Variants in BIRC6 observed in about 807,000 individuals in gnomAD.
BIRC6 encodes dual E2 ubiquitin-conjugating enzyme/E3 ubiquitin-protein ligase BIRC6.
BIRC6 carries 98 observed loss-of-function variants against 503.3 expected under a neutral mutation model. The ratio of observed to expected loss-of-function variants is 0.19; its 90% confidence interval spans 0.17 to 0.23. The LOEUF is 0.23. Among genes scored for constraint, BIRC6 ranks in the 10% least tolerant of loss-of-function variants. The probability of loss-of-function intolerance (pLI) is 1.00; values close to 1 mark genes in which losing one functional copy is unlikely to be tolerated. For synonymous variants in BIRC6, 2,240 were observed against 2,078.7 expected, an observed-to-expected ratio of 1.08 and a Z score of -2.11; for missense variants, 5,360 against 5,806.0, an observed-to-expected ratio of 0.92 and a Z score of 2.50.
chr2:32,550,959 A>G (rs2058381972), intron 65 of BIRC6, among the ~76,000 whole-genome samples: 3 of 152,108 alleles, frequency 2.0e-5, no homozygotes, highest in Admixed American at 1.3e-4. Flanking sequence ...TTTCCTGGAA[A>G]AAAGAAATTT....
intron 9 of BIRC6, 66 bp downstream of exon 9, chr2:32,406,623 A>G (rs2041249122): frequency 2.8e-6 from 3 of 1,085,074 alleles, no homozygotes; most frequent in Non-Finnish European, 4.1e-6. Flanking sequence ...ACAGCTAACT[A>G]CCACTTAATT....
chr2:32,558,234 T>A (rs1339289408), intron 65 of BIRC6, among the ~76,000 whole-genome samples: 2 of 152,186 alleles, frequency 1.3e-5, no homozygotes, highest in African/African-American at 2.4e-5. Flanking sequence ...TTCTGCCATT[T>A]ACGTATTCTG....
At position 32,511,236 on chromosome 2, in the gene BIRC6, G is replaced by A. The variant is rs187141721; in HGVS notation, c.10346+602G>A. Among the ~76,000 whole-genome samples, 371 of 75,984 alleles carry A rather than the reference G, an allele frequency of 4.9e-3. 1 individual carries two copies. The highest frequency in any genetic ancestry group is 7.1e-3 in the Non-Finnish European group (275 of 38,786). 49.8% of individuals were successfully genotyped at this position (75,984 alleles called of 152,430 possible). ...TTTTTTTTTTTTTTTTTTACATTTA[G>A]GTAATTTTAATGAGTTGTCCTAATG... is the stretch of plus-strand genomic sequence containing the variant. On this transcript the variant is annotated intron_variant, in intron 53 of 73. Coordinates refer to ENST00000421745, the MANE Select transcript of BIRC6 (RefSeq NM_016252.4).
chr2:32,417,617 A>T (rs558150489), intron 10 of BIRC6, among the ~76,000 whole-genome samples: 1 of 152,172 alleles, frequency 6.6e-6, no homozygotes, highest in Non-Finnish European at 1.5e-5. Flanking sequence ...AGGAATTAGG[A>T]TCTGAGCAGA....
intron 12 of BIRC6, among the ~76,000 whole-genome samples, 162 bp from the exon 13 acceptor site, chr2:32,433,482 C>T (rs1196350906): frequency 6.6e-6 from 1 of 152,108 alleles, no homozygotes; most frequent in African/African-American, 2.4e-5. Context: ...TTTGTTTAAC[C>T]TTCTCCATTG....
chr2:32,516,465 G>A (rs920112808), intron 55 of BIRC6, among the ~76,000 whole-genome samples: 1 of 145,682 alleles, frequency 6.9e-6, no homozygotes, highest in Non-Finnish European at 1.5e-5. Flanking sequence ...GCAGTGAGCT[G>A]AAATCTTACT....
chr2:32,461,749 G>C (rs1035874210), intron 23 of BIRC6, among the ~76,000 whole-genome samples: 1 of 152,076 alleles, frequency 6.6e-6, no homozygotes, highest in African/African-American at 2.4e-5. Context: ...TAGATTGCCT[G>C]GATTTTCCCC....
At chr2:32,534,256 C>A (rs887683823) in intron 61 of BIRC6, among the ~76,000 whole-genome samples, 1 of 150,438 alleles carries the variant, frequency 6.6e-6, no homozygotes, top group Non-Finnish European at 1.5e-5. Context: ...TGCCTGTTAT[C>A]CCAGCCGTTC....
At chr2:32,504,568 G>A (rs2149510470) in intron 49 of BIRC6, among the ~76,000 whole-genome samples, 1 of 152,198 alleles carries the variant, frequency 6.6e-6, no homozygotes, top group South Asian at 2.1e-4. Flanking sequence ...TCGGGAGGCT[G>A]AGGCAGGAGA....
At chr2:32,419,936 A>T (rs1192110696) in intron 10 of BIRC6, among the ~76,000 whole-genome samples, 1 of 152,202 alleles carries the variant, frequency 6.6e-6, no homozygotes, top group East Asian at 1.9e-4. Flanking sequence ...TATTTTGTCA[A>T]ATACTTGTTT....
At chr2:32,609,980 C>T (rs896472923) in intron 72 of BIRC6, among the ~76,000 whole-genome samples, 1 of 152,130 alleles carries the variant, frequency 6.6e-6, no homozygotes, top group African/African-American at 2.4e-5. Flanking sequence ...TCTTTGAATG[C>T]CCTGGGCTTT....
intron 5 of BIRC6, 39 bp downstream of exon 5, chr2:32,392,189 C>A (rs1347514912): frequency 2.3e-6 from 3 of 1,319,884 alleles, no homozygotes; most frequent in South Asian, 2.7e-5. Context: ...TCTCAGTAGG[C>A]CTTTGTAGCC....
At chr2:32,387,452 A>G (rs1292448796) in intron 3 of BIRC6, among the ~76,000 whole-genome samples, 1 of 152,186 alleles carries the variant, frequency 6.6e-6, no homozygotes, top group Non-Finnish European at 1.5e-5. Context: ...GACAGGATAT[A>G]AAGATGCAAT....
chr2:32,486,117 G>A (rs1316438841), intron 40 of BIRC6, among the ~76,000 whole-genome samples: 1 of 152,138 alleles, frequency 6.6e-6, no homozygotes, highest in African/African-American at 2.4e-5. Context: ...TAGATTTTTT[G>A]TAGTAACATC....
chr2:32,499,537 C>T lies in BIRC6; in HGVS notation c.8469-10C>T. ...TCTCTTTTTCTGTCTCTCTCTCTCT[C>T]TCTCTGCAGGGGTGCTTTCCAGACA... is the stretch of plus-strand genomic sequence containing the variant. On this transcript the variant is annotated splice_polypyrimidine_tract_variant and intron_variant, in intron 45 of 73. Coordinates refer to ENST00000421745, the MANE Select transcript of BIRC6 (RefSeq NM_016252.4). 6.4e-7 allele frequency: 1 copy of T among 1,569,244 alleles called. No homozygotes were observed. Among genetic ancestry groups the T allele is most frequent in the Non-Finnish European group, 8.6e-7 (1 of 1,159,652 alleles).
intron 10 of BIRC6, among the ~76,000 whole-genome samples, chr2:32,419,731 T>C (rs2042745873): frequency 6.6e-6 from 1 of 152,226 alleles, no homozygotes; most frequent in Non-Finnish European, 1.5e-5. Flanking sequence ...ATAAAGCCTA[T>C]ATACCTGTAC....
chr2:32,443,567 T>C lies in BIRC6; in HGVS notation c.4315T>C (p.Leu1439=). The C allele has an allele frequency of 1.2e-6, 2 of 1,605,014 alleles. No individual in the cohort carries two copies. The highest frequency in any genetic ancestry group is 2.2e-5 in the South Asian group (2 of 89,196). ...GGCTTTACTTGATAATATGTCATTT[T>C]TACCTGCAGCAACAACTGGTGGTAT... ...LKALLDNMSF[L]PAATTGGSVY... is the part of the protein sequence containing the mutation. The change falls in exon 20 of 74, where the codon TTA becomes CTA. Residue 1439 remains leucine (L), a synonymous_variant. Transcript: ENST00000421745.
intron 51 of BIRC6, among the ~76,000 whole-genome samples, chr2:32,508,743 C>T (rs987644307): frequency 1.3e-5 from 2 of 152,084 alleles, no homozygotes; most frequent in Non-Finnish European, 2.9e-5. Context: ...TAAATTTTGA[C>T]AGCTGGATGT....
chr2:32,529,934 A>G (rs1032463348), intron 60 of BIRC6, 110 bp downstream of exon 60: 3 of 688,374 alleles, frequency 4.4e-6, no homozygotes, highest in Non-Finnish European at 6.2e-6. Flanking sequence ...AACATAAGAT[A>G]TAATTTTTTT....
Sources: allele counts gnomAD v4.1 joint callset (sites outside exome capture counted in the v4.1 genomes callset), GRCh38; gene constraint gnomAD v4.1.1; transcripts MANE v1.5; gene names NCBI Gene and HGNC (gene_info 2026-07-23, HGNC 2026-07-21).